FCHO2: variants seen among roughly 807,000 people sequenced by gnomAD.
FCHO2 encodes the protein F-BAR domain only protein 2.
Under a neutral mutation model 114.1 loss-of-function variants are expected in FCHO2, and 43 were observed. That is an observed-to-expected ratio of 0.38 (90% confidence interval 0.30 to 0.49). The LOEUF (loss-of-function observed/expected upper bound fraction) is 0.49. FCHO2 is among the 20% of genes least tolerant of loss of function. The probability of loss-of-function intolerance (pLI) is 0.97; values close to 1 mark genes in which losing one functional copy is unlikely to be tolerated. For synonymous variants in FCHO2, 293 were observed against 315.2 expected, an observed-to-expected ratio of 0.93 and a Z score of 0.75; for missense variants, 807 against 950.4, an observed-to-expected ratio of 0.85 and a Z score of 1.98.
Position 73,054,560 on chromosome 5 carries a change from C to A in FCHO2, c.1210+11C>A. The A allele has an allele frequency of 6.5e-7, 1 of 1,531,292 alleles. No individual in the cohort carries two copies. Among genetic ancestry groups the A allele is most frequent in the South Asian group, 1.2e-5 (1 of 81,862 alleles). The allele number at this position is 1,531,292 out of a possible 1,614,324, so 94.9% of individuals were successfully genotyped here. On this transcript the variant is annotated intron_variant, in intron 15 of 25. Transcript: ENST00000430046. ...ATCGGAATTTGTCTAGTAAGTTTGA[C>A]ATTTGAATTGTTTATTTTATGTCTA...
At chr5:73,018,685 C>T (rs939752010) in intron 8 of FCHO2, among the ~76,000 whole-genome samples, 1 of 152,110 alleles carries the variant, frequency 6.6e-6, no homozygotes, top group Non-Finnish European at 1.5e-5. Flanking sequence ...TCTGAAGTAC[C>T]TCTCTATAGA....
At position 73,017,236 on chromosome 5, in the gene FCHO2, A is replaced by C. The variant is rs1373608440; in HGVS notation, c.724A>C (p.Met242Leu). 1 of 1,548,672 alleles carries C rather than the reference A, an allele frequency of 6.5e-7. No individual in the cohort carries two copies. The highest frequency in any genetic ancestry group is 8.7e-7 in the Non-Finnish European group (1 of 1,145,870). ...GGTCCATGAAGAATTTATAAATAACATGGCTAATACTACAGTTGAAAGTTT... is the reference window on the plus strand; with the variant it reads ...GGTCCATGAAGAATTTATAAATAACCTGGCTAATACTACAGTTGAAAGTTT... ...GQVHEEFINN[M>L]ANTTVESLIQ... Residue 242 changes from methionine (M) to leucine (L), a missense_variant, in exon 8 of 26, where the codon ATG (methionine) becomes CTG (leucine). Transcript: ENST00000430046.
chr5:72,979,304 G>C (rs890250953), intron 2 of FCHO2, among the ~76,000 whole-genome samples: 2 of 146,596 alleles, frequency 1.4e-5, no homozygotes, highest in African/African-American at 5.0e-5. Context: ...TTATCGATCT[G>C]TCCAGGGATT....
At chr5:73,067,515 C>T (rs988780776) in intron 18 of FCHO2, among the ~76,000 whole-genome samples, 8 of 152,036 alleles carry the variant, frequency 5.3e-5, no homozygotes, top group Non-Finnish European at 8.8e-5. Context: ...AATTGTAAAA[C>T]ACTTTTTGCA....
intron 19 of FCHO2, among the ~76,000 whole-genome samples, chr5:73,069,763 C>T (rs895264047): frequency 2.0e-5 from 3 of 152,018 alleles, no homozygotes; most frequent in Non-Finnish European, 1.5e-5. Context: ...CAAACAAATT[C>T]AGTATTTTAC....
intron 11 of FCHO2, among the ~76,000 whole-genome samples, chr5:73,049,741 T>C (rs1374223123): frequency 6.6e-6 from 1 of 152,194 alleles, no homozygotes; most frequent in African/African-American, 2.4e-5. Flanking sequence ...AAAACTAATT[T>C]CTGAGTTATA....
At chr5:73,035,056 GA>G (rs1756429873) in intron 9 of FCHO2, among the ~76,000 whole-genome samples, 1 of 152,150 alleles carries the variant, frequency 6.6e-6, no homozygotes, top group African/African-American at 2.4e-5. Flanking sequence ...TCAGGAATAT[GA>G]AACTCATCTC....
chr5:73,068,973 G>C (rs1403450014), intron 19 of FCHO2, among the ~76,000 whole-genome samples, 194 bp downstream of exon 19: 1 of 152,084 alleles, frequency 6.6e-6, no homozygotes, highest in Non-Finnish European at 1.5e-5. Flanking sequence ...CTGGATAGAA[G>C]AATTTTAACT....
At chr5:73,008,269 G>A (rs1283895526) in intron 6 of FCHO2, among the ~76,000 whole-genome samples, 1 of 152,186 alleles carries the variant, frequency 6.6e-6, no homozygotes, top group Non-Finnish European at 1.5e-5. Flanking sequence ...GGGAAGAATT[G>A]ATTAGAGTAT....
chr5:73,019,042 T>C (rs556675747), intron 8 of FCHO2, among the ~76,000 whole-genome samples: 8 of 152,308 alleles, frequency 5.3e-5, no homozygotes, highest in Non-Finnish European at 1.0e-4. Context: ...GGCAGAAAAG[T>C]TGCTGTGGCT....
chr5:73,028,763 G>T (rs189988383), intron 8 of FCHO2, among the ~76,000 whole-genome samples: 161 of 146,806 alleles, frequency 1.1e-3, no homozygotes, highest in African/African-American at 3.8e-3. Context: ...TGATTCTCCT[G>T]CTTCAGCCTC....
At chr5:73,022,206 C>A (rs764193959) in intron 8 of FCHO2, among the ~76,000 whole-genome samples, 4 of 152,092 alleles carry the variant, frequency 2.6e-5, no homozygotes, top group Admixed American at 6.6e-5. Flanking sequence ...AACTGATGAA[C>A]GATAACCTTT....
At chr5:72,996,815 G>A in intron 5 of FCHO2, 1 of 739,236 alleles carries the variant, frequency 1.4e-6, no homozygotes, top group South Asian at 1.7e-5. Flanking sequence ...CTGCCACTTA[G>A]GGCTGCCGTT....
intron 20 of FCHO2, among the ~76,000 whole-genome samples, chr5:73,076,012 C>G (rs1742893587): frequency 6.6e-6 from 1 of 152,060 alleles, no homozygotes; most frequent in African/African-American, 2.4e-5. Flanking sequence ...AAAACTAAGT[C>G]TTGATTCCCT....
At chr5:72,995,869 G>A (rs1337452704) in intron 5 of FCHO2, among the ~76,000 whole-genome samples, 1 of 151,906 alleles carries the variant, frequency 6.6e-6, no homozygotes, top group East Asian at 1.9e-4. Context: ...TCTCAATACC[G>A]TCACATTGGG....
At chr5:72,976,630 T>A (rs1382551325) in intron 2 of FCHO2, among the ~76,000 whole-genome samples, 3 of 152,270 alleles carry the variant, frequency 2.0e-5, no homozygotes, top group South Asian at 2.1e-4. Flanking sequence ...TTTTTTAAAA[T>A]TTTTTTATTA....
At chr5:73,043,317 A>G (rs368003813) in intron 11 of FCHO2, among the ~76,000 whole-genome samples, 1 of 152,108 alleles carries the variant, frequency 6.6e-6, no homozygotes, top group East Asian at 1.9e-4. Flanking sequence ...GTATTGCCCC[A>G]AAAAAGAAAT....
At position 72,982,098 on chromosome 5, in the gene FCHO2, G is replaced by A. The variant is rs1008691909; in HGVS notation, c.126-7329G>A. Among the ~76,000 whole-genome samples, 6 of 152,168 alleles carry A rather than the reference G, an allele frequency of 3.9e-5. No homozygotes were observed. The East Asian group carries it at 9.6e-4, about 24-fold the overall frequency. ...TTGCAAAGACTGTGGGAAAAGCGTA[G>A]TATCTGGGCTGGAATGCACCATTCC... On this transcript the variant is annotated intron_variant, in intron 2 of 25. Transcript: ENST00000430046.
At chr5:73,003,325 A>G (rs1367445651) in intron 5 of FCHO2, among the ~76,000 whole-genome samples, 2 of 151,964 alleles carry the variant, frequency 1.3e-5, no homozygotes, top group African/African-American at 4.8e-5. Context: ...TTTTTTAAAA[A>G]TTTTTATTGT....
Sources: gnomAD v4.1 joint callset for allele counts (sites outside exome capture counted in the v4.1 genomes callset) on GRCh38, gnomAD v4.1.1 for gene constraint, MANE v1.5 for transcripts, NCBI Gene and HGNC (gene_info 2026-07-23, HGNC 2026-07-21) for gene names.